Variants in ZNF814 observed in about 807,000 individuals in gnomAD.
ZNF814 encodes the protein zinc finger protein 814.
ZNF814 carries 5 observed loss-of-function variants against 7.5 expected under a neutral mutation model. The ratio of observed to expected loss-of-function variants is 0.67; its 90% CI spans 0.35 to 1.40. The LOEUF is 1.40. ZNF814 is among the 40% of genes most tolerant of loss of function. The pLI is 0.04. For synonymous variants in ZNF814, 315 were observed against 340.7 expected, an observed-to-expected ratio of 0.92 and a Z score of 0.83; for missense variants, 962 against 1,018.0, an observed-to-expected ratio of 0.94 and a Z score of 0.75.
chr19:57,898,105 A>G, the ZNF814 span, among the ~76,000 whole-genome samples: 1 of 152,244 alleles, frequency 6.6e-6, no homozygotes, highest in Non-Finnish European at 1.5e-5. Flanking sequence ...CTTTAAATCA[A>G]TGGCCCTGAC....
the ZNF814 span, chr19:57,900,515 C>G: frequency 2.4e-4 from 36 of 152,130 alleles, no homozygotes; most frequent in Admixed American, 9.2e-4. Flanking sequence ...ACGGCTTATC[C>G]TGGAAGCAGG....
chr19:57,897,235 G>A, the ZNF814 span, among the ~76,000 whole-genome samples: 4 of 152,044 alleles, frequency 2.6e-5, no homozygotes, highest in Admixed American at 6.6e-5. Context: ...GAGAGGGAAG[G>A]CTCATTTGGC....
upstream of ZNF814, among the ~76,000 whole-genome samples, chr19:57,891,385 C>T (rs147790213): frequency 6.7e-3 from 1,018 of 151,544 alleles, 16 homozygotes; most frequent in African/African-American, 0.023. Flanking sequence ...ATTAGCTGGG[C>T]GTGGTGGCGG....
At chr19:57,885,981 A>C (rs2071688945) in intron 1 of ZNF814, 1 of 151,372 alleles carries the variant, frequency 6.6e-6, no homozygotes, top group South Asian at 2.1e-4. Context: ...TTCTCAAAAA[A>C]AAAAAAACAA....
At chr19:57,885,253 C>T (rs545992560) in intron 1 of ZNF814, among the ~76,000 whole-genome samples, 5 of 150,876 alleles carry the variant, frequency 3.3e-5, no homozygotes, top group East Asian at 3.9e-4. Flanking sequence ...ACCCAGGAGG[C>T]GGAGGTTGCA....
In ZNF814 at chr19:57,869,436, G is replaced by C. The variant is rs2071536963; in HGVS notation, c.*3386C>G. On this transcript the variant is annotated 3_prime_UTR_variant, in exon 3 of 3. Transcript: ENST00000435989. ...CATCTAACATTCCAGAAAATGGAAA[G>C]TACTCTACTGTACAGCAAAGTAAAT... The C allele has an allele frequency of 6.6e-6, 1 of 151,606 alleles. No homozygotes were observed. The highest frequency in any genetic ancestry group is 1.5e-5 in the Non-Finnish European group (1 of 67,982). The allele number at this position is 151,606 out of a possible 1,614,324, so 9.4% of individuals were successfully genotyped here. A position where few individuals can be genotyped will look rare whatever the true frequency, so the allele number is the denominator to read the frequency against.
chr19:57,890,068 A>C (rs1046376206), upstream of ZNF814, among the ~76,000 whole-genome samples: 1 of 152,134 alleles, frequency 6.6e-6, no homozygotes, highest in Admixed American at 6.5e-5. Flanking sequence ...AAATTCACCT[A>C]TCATTTCAGA....
chr19:57,897,813 T>G, the ZNF814 span, among the ~76,000 whole-genome samples: 2 of 152,134 alleles, frequency 1.3e-5, no homozygotes, highest in Admixed American at 6.5e-5. Context: ...AGAGGAATAA[T>G]TGATTCTAAT....
chr19:57,892,991 G>A (rs949539636), upstream of ZNF814, among the ~76,000 whole-genome samples: 6 of 152,116 alleles, frequency 3.9e-5, no homozygotes, highest in African/African-American at 1.4e-4. Flanking sequence ...TGTATGTTTT[G>A]TCACACGTAT....
chr19:57,874,822 C>G lies in ZNF814; in HGVS notation c.568G>C (p.Ala190Pro). 1 of 1,614,090 alleles carries G rather than the reference C, an allele frequency of 6.2e-7. No homozygotes were observed. The highest frequency in any genetic ancestry group is 2.2e-5 in the East Asian group (1 of 44,884). Residue 190 changes from alanine (A) to proline (P), a missense_variant, in exon 3 of 3, where the codon GCC becomes CCC. Physicochemically the swap from Ala to Pro is conservative, Grantham distance 27. Coordinates refer to ENST00000435989, the MANE Select transcript of ZNF814 (RefSeq NM_001144989.2). ...TTTGACTTCTCCCCAGTGTGACTGGCCTCCTGCTGGAGTAATCCTGACCTG... is the reference window on the plus strand; with the variant it reads ...TTTGACTTCTCCCCAGTGTGACTGGGCTCCTGCTGGAGTAATCCTGACCTG... ...LPRSGLLQQE[A>P]SHTGEKSNSK...
rs1039107277 is a variant in ZNF814 at position 57,888,864 on chromosome 19, C to T, written c.-62G>A. On this transcript the variant is annotated 5_prime_UTR_variant, in exon 1 of 3. It adds an upstream start codon to the 5' untranslated region. Transcript: ENST00000435989. ...GGCGACCAGCCAGGAGATATGGGCA[C>T]GACGGTCCGTATCCTGGCCCAGGAG... The T allele has an allele frequency of 1.1e-5, 17 of 1,533,678 alleles. No individual in the cohort carries two copies. Among genetic ancestry groups the T allele is most frequent in the African/African-American group, 6.9e-5 (5 of 72,704 alleles).
the ZNF814 span, among the ~76,000 whole-genome samples, chr19:57,899,658 A>G: frequency 6.6e-6 from 1 of 152,220 alleles, no homozygotes; most frequent in Admixed American, 6.5e-5. Flanking sequence ...GGGAACTTCA[A>G]TTACTTGAAG....
At position 57,873,989 on chromosome 19, in the gene ZNF814, TC is replaced by T; in HGVS notation, c.1400del (p.Gly467GlufsTer4). 2 of 1,614,086 alleles carry T rather than the reference TC, an allele frequency of 1.2e-6. No individual in the cohort carries two copies. Among genetic ancestry groups the T allele is most frequent in the Middle Eastern group, 1.6e-4 (1 of 6,062 alleles). On this transcript the variant is annotated frameshift_variant, in exon 3 of 3. Coordinates refer to ENST00000435989, the MANE Select transcript of ZNF814 (RefSeq NM_001144989.2). LOFTEE classifies it low-confidence loss of function (END_TRUNC). ...VHAGERPFKC[G>X]ECVKSFSHKR... ...TATGACTGAAAGATTTCACACATTC[TC>T]CACACTTGAAAGGTCTTTCTCCGGC... is the stretch of plus-strand genomic sequence containing the variant.
Position 57,872,433 on chromosome 19 carries a change from T to C in ZNF814, c.*389A>G. 2.9e-6 allele frequency: 1 copy of C among 341,642 alleles called. No homozygotes were observed. The highest frequency in any genetic ancestry group is 5.4e-6 in the Non-Finnish European group (1 of 186,900). 21.2% of individuals were successfully genotyped at this position (341,642 alleles called of 1,614,324 possible). On this transcript the variant is annotated 3_prime_UTR_variant, in exon 3 of 3. Coordinates refer to ENST00000435989, the MANE Select transcript of ZNF814 (RefSeq NM_001144989.2). ...TCACACTGGTAAGGCCCTGATCCAG[T>C]GTTAACTCTGATCTTGAAGGAGCAA...
At chr19:57,879,476 A>G (rs2071635055) in intron 1 of ZNF814, among the ~76,000 whole-genome samples, 1 of 148,976 alleles carries the variant, frequency 6.7e-6, no homozygotes, top group South Asian at 2.1e-4. Flanking sequence ...AATGTCCGCC[A>G]GGGACCCAGG....
chr19:57,903,416 G>C, the ZNF814 span, among the ~76,000 whole-genome samples: 3 of 152,140 alleles, frequency 2.0e-5, no homozygotes, highest in Non-Finnish European at 2.9e-5. Context: ...TTGGATGGGG[G>C]ATTGCATCAT....
In ZNF814 at chr19:57,883,084, T is replaced by C. The variant is rs147145502; in HGVS notation, c.36+5683A>G. 7.4e-3 allele frequency among the ~76,000 whole-genome samples: 1,123 copies of C among 151,524 alleles called. 11 individuals are homozygous for C. The highest frequency in any genetic ancestry group is 0.024 in the Middle Eastern group (7 of 292). ...AAATAATTAAACAGAACTGGCCGGG[T>C]GTGGTGGCTCACACCTGTAATCCCA... On this transcript the variant is annotated intron_variant, in intron 1 of 2. Transcript: ENST00000435989.
upstream of ZNF814, among the ~76,000 whole-genome samples, chr19:57,890,924 G>C (rs1418405627): frequency 6.6e-6 from 1 of 152,192 alleles, no homozygotes; most frequent in African/African-American, 2.4e-5. Flanking sequence ...GTCTTGAATA[G>C]GGGTTGGATA....
intron 1 of ZNF814, 53 bp from the exon 2 acceptor site, chr19:57,877,095 A>G: frequency 2.5e-6 from 4 of 1,603,282 alleles, no homozygotes; most frequent in Non-Finnish European, 3.4e-6. Context: ...CTGAGGTATC[A>G]CAATCCATCT....
Sources: allele counts gnomAD v4.1 joint callset (sites outside exome capture counted in the v4.1 genomes callset), GRCh38; gene constraint gnomAD v4.1.1; transcripts MANE v1.5; gene names NCBI Gene and HGNC (gene_info 2026-07-23, HGNC 2026-07-21).